NCAPG2: variants seen among roughly 807,000 people sequenced by gnomAD.
NCAPG2 encodes the protein condensin-2 complex subunit G2.
NCAPG2 carries 53 observed loss-of-function variants against 141.1 expected under a neutral mutation model. The ratio of observed to expected loss-of-function variants is 0.38; its 90% CI spans 0.30 to 0.47. NCAPG2 has a LOEUF of 0.47. Among genes scored for constraint, NCAPG2 ranks in the 20% least tolerant of loss-of-function variants. NCAPG2 has a pLI of 0.99. For missense variants in NCAPG2, 1,087 were observed against 1,389.0 expected (o/e 0.78, Z 3.46); for synonymous variants, 499 against 490.7 (o/e 1.02, Z -0.22).
At chr7:158,704,270 T>C (rs1259452374) in intron 1 of NCAPG2, among the ~76,000 whole-genome samples, 18 of 88,182 alleles carry the variant, frequency 2.0e-4, no homozygotes, top group African/African-American at 4.1e-4. Flanking sequence ...GTGCCCATGC[T>C]CAGGACTGAG....
rs191590488 is a variant in NCAPG2, at chr7:158,680,071, T to C, written c.1035A>G (p.Glu345=). The C allele has an allele frequency of 6.2e-7, 1 of 1,613,900 alleles. No homozygotes were observed. Among genetic ancestry groups the C allele is most frequent in the East Asian group, 2.2e-5 (1 of 44,886 alleles). The change falls in exon 11 of 28, where the codon GAA becomes GAG. Residue 345 remains glutamate (E), a synonymous_variant. Coordinates refer to ENST00000356309, the MANE Select transcript of NCAPG2 (RefSeq NM_017760.7). The part of the protein sequence containing the change: ...LWRGLKARNS[E]VRSNAALLFV... The stretch of plus-strand genomic sequence containing the variant: ...ACAACAATGCAGCATTTGATCGAAC[T>C]TCAGAGTTTCTGGCCTATAATAATA...
intron 17 of NCAPG2, among the ~76,000 whole-genome samples, chr7:158,658,135 C>A: frequency 6.8e-6 from 1 of 148,128 alleles, no homozygotes; most frequent in East Asian, 2.0e-4. Flanking sequence ...TGAGAAACAC[C>A]CAAGAATGAT....
intron 12 of NCAPG2, among the ~76,000 whole-genome samples, chr7:158,672,848 C>A (rs1833834268): frequency 6.6e-6 from 1 of 152,126 alleles, no homozygotes; most frequent in Non-Finnish European, 1.5e-5. Flanking sequence ...GTAGCCCCTG[C>A]CATAACACTG....
At chr7:158,662,007 C>T (rs531041187) in intron 16 of NCAPG2, among the ~76,000 whole-genome samples, 187 bp downstream of exon 16, 24 of 152,288 alleles carry the variant, frequency 1.6e-4, no homozygotes, top group Non-Finnish European at 3.4e-4. Flanking sequence ...GACAGAGACA[C>T]AAGATCTCCA....
chr7:158,701,416 C>T (rs938802706), intron 2 of NCAPG2, among the ~76,000 whole-genome samples: 5 of 152,134 alleles, frequency 3.3e-5, no homozygotes, highest in Admixed American at 6.5e-5. Flanking sequence ...CTACAGCTCG[C>T]TCCCTGCTTC....
rs761407757 is a variant in NCAPG2, at chr7:158,658,441, A to C, written c.1990-33T>G. The C allele has an allele frequency of 3.5e-5, 55 of 1,551,154 alleles. 2 individuals carry two copies. The South Asian group carries it at 4.7e-4, about 13-fold the overall frequency. Reference sequence around the variant, plus strand: ...CGAAAAAAGAAAAACAAAACAAAGCATATGTAAGCACTATAAATTCTGAAA... The same window carrying C: ...CGAAAAAAGAAAAACAAAACAAAGCCTATGTAAGCACTATAAATTCTGAAA... On this transcript the variant is annotated intron_variant, in intron 16 of 27. Transcript: ENST00000356309.
chr7:158,638,250 T>C (rs1194221371), intron 27 of NCAPG2, among the ~76,000 whole-genome samples: 1 of 152,208 alleles, frequency 6.6e-6, no homozygotes, highest in Admixed American at 6.5e-5. Flanking sequence ...AACATTGTTT[T>C]TTGTTTGTTT....
intron 27 of NCAPG2, among the ~76,000 whole-genome samples, chr7:158,637,581 G>GCCACAC (rs1337884590): frequency 4.7e-4 from 1 of 2,144 alleles, no homozygotes; most frequent in Non-Finnish European, 1.1e-3. Flanking sequence ...TCCGGCTCCA[G>GCCACAC]CAGCTCCCCA....
chr7:158,652,787 G>A (rs1831580662), intron 22 of NCAPG2, among the ~76,000 whole-genome samples: 2 of 152,210 alleles, frequency 1.3e-5, no homozygotes, highest in Non-Finnish European at 2.9e-5. Flanking sequence ...AAGTTCAGCA[G>A]TGTGGTTCCC....
intron 27 of NCAPG2, among the ~76,000 whole-genome samples, chr7:158,632,118 AC>A (rs1340986348): frequency 1.3e-5 from 2 of 152,306 alleles, no homozygotes; most frequent in East Asian, 3.9e-4. Context: ...ATACTCTACT[AC>A]CATGACATTT....
intron 16 of NCAPG2, among the ~76,000 whole-genome samples, chr7:158,661,412 A>T (rs1272685836): frequency 3.9e-5 from 6 of 152,202 alleles, no homozygotes; most frequent in African/African-American, 1.4e-4. Context: ...AAAGTCAAGG[A>T]ATGAGAAGGT....
rs537174479 is a variant in NCAPG2 at position 158,689,728 on chromosome 7, A to G, written c.672+91T>C. 3 of 1,211,654 alleles carry G rather than the reference A, an allele frequency of 2.5e-6. No individual in the cohort carries two copies. In the East Asian group the frequency reaches 8.2e-5, roughly 33 times the overall value. The allele number at this position is 1,211,654 out of a possible 1,614,324, so 75.1% of individuals were successfully genotyped here. ...AGCTCCTGGTAGCTAAGCAACACCG[A>G]GCATGGTGCAGACAGGAACCATGTG... On this transcript the variant is annotated intron_variant, in intron 6 of 27. Transcript: ENST00000356309.
chr7:158,632,776 T>C (rs540461573), intron 27 of NCAPG2, among the ~76,000 whole-genome samples: 1 of 152,354 alleles, frequency 6.6e-6, no homozygotes, highest in Admixed American at 6.5e-5. Flanking sequence ...TGCTTCTTTT[T>C]ATTTTTTTAA....
chr7:158,660,070 T>C (rs1054019582), intron 16 of NCAPG2, among the ~76,000 whole-genome samples: 55 of 150,690 alleles, frequency 3.6e-4, no homozygotes, highest in African/African-American at 1.1e-3. Context: ...ATCACTCCAC[T>C]GCACTCCAGC....
intron 19 of NCAPG2, 84 bp downstream of exon 19, chr7:158,656,176 C>T (rs1831957211): frequency 2.7e-6 from 4 of 1,469,668 alleles, no homozygotes. Flanking sequence ...ACTTGTATAG[C>T]ACTGTAAATA....
rs769292795 is a variant in NCAPG2 at position 158,646,513 on chromosome 7, T to C, written c.3126A>G (p.Pro1042=). The C allele has an allele frequency of 6.3e-7, 1 of 1,585,136 alleles. No individual in the cohort carries two copies. The highest frequency in any genetic ancestry group is 8.5e-7 in the Non-Finnish European group (1 of 1,172,674). The part of the protein sequence containing the change: ...LTPPEHLSDL[P]PFSRCLIGII... ...TTCCTATTAAACACCTTGAAAATGG[T>C]GGAAGATCAGAAAGATGCTCTGGAG... The change falls in exon 25 of 28, where the codon CCA becomes CCG. Residue 1042 remains proline, a synonymous_variant. Coordinates refer to ENST00000356309, the MANE Select transcript of NCAPG2 (RefSeq NM_017760.7).
intron 16 of NCAPG2, among the ~76,000 whole-genome samples, chr7:158,659,886 C>T (rs892765221): frequency 1.3e-5 from 2 of 151,834 alleles, no homozygotes; most frequent in Non-Finnish European, 2.9e-5. Context: ...CCGAGGCAGG[C>T]GGATCATGAG....
At chr7:158,662,778 G>T (rs1225638130) in intron 15 of NCAPG2, among the ~76,000 whole-genome samples, 1 of 152,106 alleles carries the variant, frequency 6.6e-6, no homozygotes, top group Non-Finnish European at 1.5e-5. Flanking sequence ...TTCCTCCAAG[G>T]TGACTGCTAC....
rs1204619395 is a variant in NCAPG2 at position 158,633,320 on chromosome 7, G to A, written c.3381-1603C>T. Among the ~76,000 whole-genome samples the A allele has an allele frequency of 6.6e-6, 1 of 152,166 alleles. No individual in the cohort carries two copies. Among genetic ancestry groups the A allele is most frequent in the South Asian group, 2.1e-4 (1 of 4,834 alleles). On this transcript the variant is annotated intron_variant, in intron 27 of 27. Coordinates refer to ENST00000356309, the MANE Select transcript of NCAPG2 (RefSeq NM_017760.7). This position sits in a 1 kb window ranked among gnomAD's most constrained non-coding sequence, Gnocchi z 4.1. Reference sequence around the variant, plus strand: ...GACTATCACAGGAACCATCTCTGTAGTGTGTCTGTGACACTTGAGCTCTAG... The same window carrying A: ...GACTATCACAGGAACCATCTCTGTAATGTGTCTGTGACACTTGAGCTCTAG...
Sources: allele counts gnomAD v4.1 joint callset (sites outside exome capture counted in the v4.1 genomes callset), GRCh38; gene constraint gnomAD v4.1.1; non-coding constraint Gnocchi (gnomAD v3.1); transcripts MANE v1.5; gene names NCBI Gene and HGNC (gene_info 2026-07-23, HGNC 2026-07-21).